ZCCHC14: variants seen among roughly 807,000 people sequenced by gnomAD.
The protein encoded by ZCCHC14 is zinc finger CCHC domain-containing protein 14.
Under a neutral mutation model 85.0 loss-of-function variants are expected in ZCCHC14, and 16 were observed. The ratio of observed to expected loss-of-function variants is 0.19; its 90% confidence interval spans 0.13 to 0.29. The LOEUF (loss-of-function observed/expected upper bound fraction) is 0.29. Among genes scored for constraint, ZCCHC14 ranks in the 10% least tolerant of loss-of-function variants. The pLI, the probability that ZCCHC14 is intolerant of heterozygous loss-of-function variation, is 1.00. For missense variants in ZCCHC14, 1,303 were observed against 1,443.5 expected (o/e 0.90, Z 1.58); for synonymous variants, 775 against 630.7 (o/e 1.23, Z -3.43).
At chr16:87,423,932 G>C in intron 3 of ZCCHC14, 51 bp from the exon 4 acceptor site, 1 of 1,596,362 alleles carries the variant, frequency 6.3e-7, no homozygotes. Context: ...CACATACTTG[G>C]TTCCCAGCAC....
rs1269450177 is a variant in ZCCHC14 at position 87,411,493 on chromosome 16, G to T, written c.3205+23C>A. On this transcript the variant is annotated intron_variant, in intron 12 of 12. Coordinates refer to ENST00000671377, the MANE Select transcript of ZCCHC14 (RefSeq NM_015144.3). ...CACTGGTCCTGCGGGAGCCTGGTGG[G>T]CGCGGCCATGGCGCGCGCTTACCTG... 4 of 1,611,628 alleles carry T rather than the reference G, an allele frequency of 2.5e-6. No individual in the cohort carries two copies. In the African/African-American group the frequency reaches 5.3e-5, roughly 22 times the overall value.
rs757110328 is a variant in ZCCHC14, at chr16:87,411,499, C to T, written c.3205+17G>A. ...TCCTGCGGGAGCCTGGTGGGCGCGG[C>T]CATGGCGCGCGCTTACCTGGCCGGT... On this transcript the variant is annotated intron_variant, in intron 12 of 12. Transcript: ENST00000671377. 1.2e-6 allele frequency: 2 copies of T among 1,612,358 alleles called. No individual in the cohort carries two copies. Among genetic ancestry groups the T allele is most frequent in the Non-Finnish European group, 1.7e-6 (2 of 1,179,636 alleles).
chr16:87,480,934 G>A (rs944519584), intron 1 of ZCCHC14, among the ~76,000 whole-genome samples: 1 of 152,226 alleles, frequency 6.6e-6, no homozygotes, highest in African/African-American at 2.4e-5. Context: ...CCTACAGAGA[G>A]AGGTGTGTAC....
chr16:87,407,269 G>A lies in ZCCHC14; in HGVS notation c.*3011C>T, dbSNP rs1012700925. ...AAATACAGAACCTACTAACACTACT[G>A]TATTAACAAGCTGACTCCTGTAATC... On this transcript the variant is annotated 3_prime_UTR_variant, in exon 13 of 13. Coordinates refer to ENST00000671377, the MANE Select transcript of ZCCHC14 (RefSeq NM_015144.3). 3 of 152,176 alleles carry A rather than the reference G, an allele frequency of 2.0e-5. No individual in the cohort carries two copies. Among genetic ancestry groups the A allele is most frequent in the African/African-American group, 7.2e-5 (3 of 41,444 alleles). 9.4% of individuals were successfully genotyped at this position (152,176 alleles called of 1,614,324 possible).
intron 3 of ZCCHC14, among the ~76,000 whole-genome samples, chr16:87,429,887 G>A (rs1301597880): frequency 6.6e-6 from 1 of 152,228 alleles, no homozygotes; most frequent in Non-Finnish European, 1.5e-5. Context: ...CATTACAGGC[G>A]TGAGCCACCG....
intron 2 of ZCCHC14, among the ~76,000 whole-genome samples, chr16:87,449,320 T>C (rs1224337998): frequency 6.6e-6 from 1 of 152,046 alleles, no homozygotes; most frequent in Admixed American, 6.6e-5. Context: ...AATGTTCCTA[T>C]CTCTAAAACT....
chr16:87,456,357 C>T (rs1431698952), intron 2 of ZCCHC14, among the ~76,000 whole-genome samples: 1 of 151,884 alleles, frequency 6.6e-6, no homozygotes, highest in East Asian at 1.9e-4. Flanking sequence ...GGTGAAACCA[C>T]GTCTCTACTA....
At chr16:87,466,525 A>G (rs1911527321) in intron 1 of ZCCHC14, among the ~76,000 whole-genome samples, 1 of 152,252 alleles carries the variant, frequency 6.6e-6, no homozygotes. Context: ...TCTAAGAAAC[A>G]TATTTTAAAT....
chr16:87,413,422 G>A (rs4843608), intron 10 of ZCCHC14, among the ~76,000 whole-genome samples: 142,368 of 152,220 alleles, frequency 0.94, 66,590 homozygotes, highest in African/African-American at 0.94. Flanking sequence ...GCCGGCCCCC[G>A]CCATCAACCC....
chr16:87,414,748 C>T (rs1256909927), intron 9 of ZCCHC14, among the ~76,000 whole-genome samples: 2 of 152,224 alleles, frequency 1.3e-5, no homozygotes, highest in Non-Finnish European at 2.9e-5. Flanking sequence ...CTATAAAGGT[C>T]CTTTCCTGTC....
At position 87,413,071 on chromosome 16, in the gene ZCCHC14, A is replaced by G; in HGVS notation, c.1728T>C (p.Ala576=). 6.2e-7 allele frequency: 1 copy of G among 1,614,138 alleles called. No individual in the cohort carries two copies. Among genetic ancestry groups the G allele is most frequent in the Non-Finnish European group, 8.5e-7 (1 of 1,180,018 alleles). ...VQAREESSDS[A]EENDRRVEIH... ...TGCCCTTACGTCTGTCATTCTCCTC[A>G]GCGCTGTCGGAGCTCTCTTCCCGGG... The change falls in exon 11 of 13, where the codon GCT becomes GCC. Residue 576 remains alanine (A), a synonymous_variant. Coordinates refer to ENST00000671377, the MANE Select transcript of ZCCHC14 (RefSeq NM_015144.3).
At chr16:87,411,294 C>T in intron 12 of ZCCHC14, 3 of 1,383,888 alleles carry the variant, frequency 2.2e-6, no homozygotes, top group South Asian at 2.8e-5. Context: ...TAAGCACCTT[C>T]TAGAACCAGA....
intron 1 of ZCCHC14, among the ~76,000 whole-genome samples, chr16:87,478,739 T>G (rs1348147039): frequency 6.6e-6 from 1 of 152,054 alleles, no homozygotes; most frequent in African/African-American, 2.4e-5. Flanking sequence ...CCCGAGTAGC[T>G]GGGATAACAG....
intron 1 of ZCCHC14, among the ~76,000 whole-genome samples, chr16:87,482,531 C>CA (rs1030571519): frequency 6.6e-6 from 1 of 152,078 alleles, no homozygotes; most frequent in Non-Finnish European, 1.5e-5. Context: ...CAAAATCCCC[C>CA]AAAAAAACCC....
chr16:87,481,149 G>A (rs746312986), intron 1 of ZCCHC14, among the ~76,000 whole-genome samples: 34 of 152,044 alleles, frequency 2.2e-4, no homozygotes, highest in Admixed American at 1.1e-3. Context: ...GGGTTACAGC[G>A]GGCAGACCCA....
intron 3 of ZCCHC14, among the ~76,000 whole-genome samples, chr16:87,424,575 C>A (rs532659216): frequency 6.6e-6 from 1 of 152,180 alleles, no homozygotes; most frequent in African/African-American, 2.4e-5. Flanking sequence ...GGTCCATCTC[C>A]CCACATGCAC....
Position 87,409,934 on chromosome 16 carries a change from C to T in ZCCHC14, c.*346G>A, listed in dbSNP as rs1052291537. The stretch of plus-strand genomic sequence containing the variant: ...CAAGCTCGGTTCTCGATTCAGACCA[C>T]GTGTAGCTGCCCTGGAATTGACGTG... On this transcript the variant is annotated 3_prime_UTR_variant, in exon 13 of 13. Transcript: ENST00000671377. 7.3e-5 allele frequency: 14 copies of T among 192,376 alleles called. No homozygotes were observed. The highest frequency in any genetic ancestry group is 3.0e-4 in the African/African-American group (13 of 42,982). 11.9% of individuals were successfully genotyped at this position (192,376 alleles called of 1,614,324 possible). A position where few individuals can be genotyped will look rare whatever the true frequency, so the allele number is the denominator to read the frequency against.
intron 1 of ZCCHC14, chr16:87,471,584 C>A (rs991548920): frequency 3.3e-5 from 5 of 152,322 alleles, no homozygotes; most frequent in East Asian, 1.9e-4. Context: ...CCGGCCCCAA[C>A]TGCCCACCCG....
Position 87,415,990 on chromosome 16 carries a change from G to A in ZCCHC14, c.1384-623C>T, listed in dbSNP as rs901664424. ...CACCTAGGCTGGAGTGCAGTGGTGC[G>A]ATCTCGGCTCACTGCAACCTCCACC... On this transcript the variant is annotated intron_variant, in intron 8 of 12. Transcript: ENST00000671377. Among the ~76,000 whole-genome samples, 13 of 152,132 alleles carry A rather than the reference G, an allele frequency of 8.5e-5. No homozygotes were observed. In the South Asian group the frequency reaches 1.9e-3, roughly 22 times the overall value.
Sources: allele counts gnomAD v4.1 joint callset (sites outside exome capture counted in the v4.1 genomes callset), GRCh38; gene constraint gnomAD v4.1.1; transcripts MANE v1.5; gene names NCBI Gene and HGNC (gene_info 2026-07-23, HGNC 2026-07-21).